DDX10: variants seen among roughly 807,000 people sequenced by gnomAD.
The protein encoded by DDX10 is probable ATP-dependent RNA helicase DDX10.
A neutral mutation model predicts 104.3 loss-of-function variants in DDX10; 74 were observed. That is an observed-to-expected ratio of 0.71 (90% CI 0.59 to 0.86). DDX10 has a LOEUF of 0.86. Among genes scored for constraint, DDX10 ranks in the 40% least tolerant of loss-of-function variants. The pLI is 0.00. For missense variants in DDX10, 952 were observed against 1,040.0 expected (o/e 0.92, Z 1.16); for synonymous variants, 351 against 353.4 (o/e 0.99, Z 0.08).
chr11:108,720,958 C>G (rs994738746), intron 12 of DDX10, among the ~76,000 whole-genome samples: 3 of 149,792 alleles, frequency 2.0e-5, no homozygotes, highest in African/African-American at 7.4e-5. Flanking sequence ...TCAGTGGGCT[C>G]TTACTGTGGG....
intron 13 of DDX10, among the ~76,000 whole-genome samples, chr11:108,749,815 T>C (rs933068317): frequency 6.6e-6 from 1 of 152,226 alleles, no homozygotes; most frequent in Non-Finnish European, 1.5e-5. Flanking sequence ...ATTTATCGTC[T>C]TGTTGCAAAG....
At chr11:108,755,564 C>T (rs2094343475) in intron 13 of DDX10, among the ~76,000 whole-genome samples, 1 of 151,864 alleles carries the variant, frequency 6.6e-6, no homozygotes, top group African/African-American at 2.4e-5. Context: ...ACTGTCTAGC[C>T]CTTTATAGAA....
rs371241313 is a variant in DDX10, at chr11:108,895,259, A to ATT, written c.2305-22604_2305-22603dup. Among the ~76,000 whole-genome samples, 10 of 146,824 alleles carry ATT rather than the reference A, an allele frequency of 6.8e-5. No individual in the cohort carries two copies. In the South Asian group the frequency reaches 2.2e-3, roughly 32 times the overall value. On this transcript the variant is annotated intron_variant, in intron 16 of 17. Transcript: ENST00000322536. ...ATTACATATCATCACTGAATAAGTG[A>ATT]TTTTTTTTTTTGCTTGTACTTAAGG...
chr11:108,797,931 A>G (rs1480666501), intron 13 of DDX10, among the ~76,000 whole-genome samples: 1 of 152,178 alleles, frequency 6.6e-6, no homozygotes, highest in Non-Finnish European at 1.5e-5. Flanking sequence ...ATCCCAAGGG[A>G]GCAGAGTGCA....
intron 13 of DDX10, among the ~76,000 whole-genome samples, chr11:108,824,295 G>C (rs1753320511): frequency 6.6e-6 from 1 of 152,110 alleles, no homozygotes; most frequent in African/African-American, 2.4e-5. Context: ...CACCTACCTT[G>C]GCCTCGCAAA....
intron 11 of DDX10, 118 bp downstream of exon 11, chr11:108,716,084 G>T (rs948698920): frequency 7.4e-6 from 5 of 676,522 alleles, no homozygotes; most frequent in African/African-American, 5.5e-5. Flanking sequence ...GTAATTTGCT[G>T]ACAGATAAGT....
intron 16 of DDX10, among the ~76,000 whole-genome samples, chr11:108,883,908 ATCT>A (rs1427728492): frequency 6.6e-6 from 1 of 152,138 alleles, no homozygotes; most frequent in African/African-American, 2.4e-5. Context: ...CTCTTTTTCC[ATCT>A]TCTTTCCTAA....
At chr11:108,776,832 A>G (rs557031751) in intron 13 of DDX10, among the ~76,000 whole-genome samples, 54 of 152,340 alleles carry the variant, frequency 3.5e-4, no homozygotes, top group Middle Eastern at 3.4e-3. Flanking sequence ...ACAGCCAGCA[A>G]GAAAATGGGG....
intron 16 of DDX10, among the ~76,000 whole-genome samples, chr11:108,901,114 C>T (rs1863511786): frequency 6.6e-6 from 1 of 152,178 alleles, no homozygotes; most frequent in South Asian, 2.1e-4. Flanking sequence ...TATGTCATTT[C>T]CCCTGTAGAA....
chr11:108,841,293 C>CT (rs1423929270), intron 14 of DDX10, 22 bp from the exon 15 acceptor site: 2 of 1,607,576 alleles, frequency 1.2e-6, no homozygotes, highest in East Asian at 4.5e-5. Flanking sequence ...CCTGTTGACA[C>CT]TGACCTTTTT....
At chr11:108,825,705 G>T (rs555462884) in intron 13 of DDX10, among the ~76,000 whole-genome samples, 78 of 152,240 alleles carry the variant, frequency 5.1e-4, no homozygotes, top group African/African-American at 1.7e-3. Context: ...ATATATCATT[G>T]TATTCATTGA....
chr11:108,818,725 T>A (rs1004225682), intron 13 of DDX10, among the ~76,000 whole-genome samples: 2 of 152,220 alleles, frequency 1.3e-5, no homozygotes, highest in Admixed American at 6.5e-5. Context: ...CTGTGAATGG[T>A]ACCGGTTAGG....
chr11:108,717,448 T>C (rs1420543573), intron 11 of DDX10, among the ~76,000 whole-genome samples: 1 of 152,182 alleles, frequency 6.6e-6, no homozygotes, highest in Non-Finnish European at 1.5e-5. Context: ...TAGCTGGGAT[T>C]ACAGGCATGC....
At chr11:108,874,912 G>T (rs1863131780) in intron 16 of DDX10, among the ~76,000 whole-genome samples, 1 of 152,044 alleles carries the variant, frequency 6.6e-6, no homozygotes, top group Admixed American at 6.6e-5. Flanking sequence ...GAATGTCTGG[G>T]TTTGAATTCT....
chr11:108,834,755 G>T (rs1395037881), intron 13 of DDX10, among the ~76,000 whole-genome samples: 1 of 151,712 alleles, frequency 6.6e-6, no homozygotes, highest in Admixed American at 6.6e-5. Flanking sequence ...GTGAAACCCT[G>T]TCTCTACTAA....
intron 16 of DDX10, among the ~76,000 whole-genome samples, chr11:108,873,582 T>G (rs1863111301): frequency 6.6e-6 from 1 of 152,194 alleles, no homozygotes; most frequent in Non-Finnish European, 1.5e-5. Flanking sequence ...GAGAACACCT[T>G]CTTTTGGACA....
intron 13 of DDX10, among the ~76,000 whole-genome samples, chr11:108,809,608 T>G (rs1229738087): frequency 2.0e-5 from 3 of 152,178 alleles, no homozygotes; most frequent in Non-Finnish European, 4.4e-5. Flanking sequence ...TTTGCTTGAT[T>G]CATTCAGAAA....
At chr11:108,936,604 G>A (rs778305239) in intron 17 of DDX10, among the ~76,000 whole-genome samples, 18 of 152,132 alleles carry the variant, frequency 1.2e-4, no homozygotes, top group Admixed American at 2.6e-4. Flanking sequence ...CTCTCTTTTT[G>A]TGTTGGTTTT....
intron 13 of DDX10, among the ~76,000 whole-genome samples, chr11:108,762,402 TAATA>T (rs2134517098): frequency 6.6e-6 from 1 of 152,268 alleles, no homozygotes; most frequent in South Asian, 2.1e-4. Context: ...GACTACAGGA[TAATA>T]AATAAATCCT....
Sources: allele counts gnomAD v4.1 joint callset (sites outside exome capture counted in the v4.1 genomes callset), GRCh38; gene constraint gnomAD v4.1.1; transcripts MANE v1.5; gene names NCBI Gene and HGNC (gene_info 2026-07-23, HGNC 2026-07-21).